WDR41: variants seen among roughly 807,000 people sequenced by gnomAD.
WDR41 encodes WD repeat-containing protein 41.
In WDR41, 63 loss-of-function variants were observed where a neutral mutation model predicts 69.3. The ratio of observed to expected loss-of-function variants is 0.91; its 90% CI spans 0.74 to 1.12. WDR41 has a LOEUF of 1.12. Ranked by LOEUF, WDR41 falls within the 50% of genes most tolerant of loss-of-function variation. The pLI is 0.00. For synonymous variants in WDR41, 185 were observed against 192.1 expected (o/e 0.96, Z 0.31); for missense variants, 543 against 534.5 (o/e 1.02, Z -0.16).
intron 2 of WDR41, among the ~76,000 whole-genome samples, chr5:77,488,027 T>G (rs1342190460): frequency 6.6e-6 from 1 of 152,160 alleles, no homozygotes; most frequent in African/African-American, 2.4e-5. Flanking sequence ...CGGTCCTAAT[T>G]TGTATCTTTT....
intron 1 of WDR41, among the ~76,000 whole-genome samples, chr5:77,607,867 T>C (rs3933483): frequency 0.14 from 21,728 of 152,268 alleles, 1,541 homozygotes; most frequent in East Asian, 0.2. Context: ...TTATATTCTC[T>C]AATTCTACTC....
At chr5:77,602,430 G>A (rs1415143073) in intron 1 of WDR41, among the ~76,000 whole-genome samples, 3 of 152,128 alleles carry the variant, frequency 2.0e-5, no homozygotes, top group Non-Finnish European at 2.9e-5. Flanking sequence ...ATGAGCCATC[G>A]TGCCCAGCCC....
intron 1 of WDR41, among the ~76,000 whole-genome samples, chr5:77,602,415 C>T (rs1397582103): frequency 6.6e-6 from 1 of 152,152 alleles, no homozygotes; most frequent in East Asian, 1.9e-4. Flanking sequence ...GCTCAGATTA[C>T]AGGCATGAGC....
chr5:77,466,018 A>G (rs1361380485), intron 2 of WDR41, among the ~76,000 whole-genome samples: 1 of 151,952 alleles, frequency 6.6e-6, no homozygotes. Context: ...GAGTACATCT[A>G]CTACTGGTAG....
chr5:77,474,819 T>C (rs1800821993), intron 2 of WDR41, among the ~76,000 whole-genome samples: 1 of 152,158 alleles, frequency 6.6e-6, no homozygotes, highest in Non-Finnish European at 1.5e-5. Context: ...GGAGCCAAGA[T>C]GGCCCAATAG....
chr5:77,582,502 C>T (rs906771514), intron 1 of WDR41: 31 of 1,599,698 alleles, frequency 1.9e-5, no homozygotes, highest in Admixed American at 3.3e-5. Flanking sequence ...AAAGATGCTT[C>T]GAAAGGCAAG....
intron 2 of WDR41, among the ~76,000 whole-genome samples, chr5:77,488,122 G>A (rs899172583): frequency 6.6e-6 from 1 of 152,180 alleles, no homozygotes; most frequent in South Asian, 2.1e-4. Flanking sequence ...GGGAACAGCA[G>A]GAACTTGTAG....
chr5:77,478,532 A>T (rs2112042872), intron 2 of WDR41, among the ~76,000 whole-genome samples: 1 of 152,332 alleles, frequency 6.6e-6, no homozygotes, highest in Middle Eastern at 3.4e-3. Flanking sequence ...TACGCAAATC[A>T]ATAAATGTAA....
chr5:77,476,741 G>A (rs970035349), intron 2 of WDR41, among the ~76,000 whole-genome samples: 19 of 150,626 alleles, frequency 1.3e-4, no homozygotes, highest in South Asian at 4.3e-4. Flanking sequence ...AAAGACCATC[G>A]AGACTAGGAA....
At chr5:77,459,647 G>A (rs1046467499) in intron 4 of WDR41, among the ~76,000 whole-genome samples, 1 of 152,104 alleles carries the variant, frequency 6.6e-6, no homozygotes, top group African/African-American at 2.4e-5. Flanking sequence ...TCCAAGTTCA[G>A]TTTGACTTAA....
intron 1 of WDR41, among the ~76,000 whole-genome samples, chr5:77,533,251 A>ATT (rs1742899369): frequency 1.3e-5 from 2 of 152,162 alleles, no homozygotes; most frequent in Admixed American, 1.3e-4. Flanking sequence ...ACATTTGTTT[A>ATT]TTTATTTACT....
chr5:77,520,011 C>G (rs1479769719), intron 1 of WDR41, among the ~76,000 whole-genome samples: 1 of 151,682 alleles, frequency 6.6e-6, no homozygotes, highest in Non-Finnish European at 1.5e-5. Context: ...CTAAGTTACT[C>G]TCCTCATATT....
At chr5:77,522,381 C>T (rs1465406580) in intron 1 of WDR41, among the ~76,000 whole-genome samples, 2 of 152,324 alleles carry the variant, frequency 1.3e-5, no homozygotes, top group East Asian at 3.9e-4. Context: ...GTGGCTTATA[C>T]CTGTAATCCC....
intron 1 of WDR41, among the ~76,000 whole-genome samples, chr5:77,616,308 A>T (rs1317388935): frequency 1.3e-5 from 2 of 152,186 alleles, no homozygotes; most frequent in Admixed American, 6.5e-5. Flanking sequence ...AATGTATTTA[A>T]GCCCTTTCAA....
chr5:77,474,569 T>C (rs1215688066), intron 2 of WDR41, among the ~76,000 whole-genome samples: 3 of 152,316 alleles, frequency 2.0e-5, no homozygotes, highest in Admixed American at 1.3e-4. Context: ...TCAGGAGCCA[T>C]AGATGCTGAC....
chr5:77,458,771 C>G, intron 5 of WDR41: 1 of 231,110 alleles, frequency 4.3e-6, no homozygotes. Flanking sequence ...TATGGTCATT[C>G]TACAAGTAAT....
At chr5:77,590,601 T>C (rs1168870888) in intron 1 of WDR41, among the ~76,000 whole-genome samples, 1 of 151,942 alleles carries the variant, frequency 6.6e-6, no homozygotes, top group Non-Finnish European at 1.5e-5. Context: ...GAACTGAGAG[T>C]GAGCTCTGTT....
In WDR41 at chr5:77,438,328, C is replaced by G; in HGVS notation, c.916G>C (p.Val306Leu). Residue 306 changes from valine to leucine, a missense_variant, in exon 10 of 13, where the codon GTG (valine) becomes CTG (leucine). Transcript: ENST00000296679. ...ACACGCTTCATTTGAAGGCTATACA[C>G]GTATAAACCCCTTCCAACTGCAGCA... is the stretch of plus-strand genomic sequence containing the variant. ...VFAAVGRGLY[V>L]YSLQMKRVIA... 1 of 1,614,002 alleles carries G rather than the reference C, an allele frequency of 6.2e-7. No individual in the cohort carries two copies. Among genetic ancestry groups the G allele is most frequent in the South Asian group, 1.1e-5 (1 of 91,074 alleles).
intron 1 of WDR41, among the ~76,000 whole-genome samples, chr5:77,502,334 A>G (rs1207023066): frequency 1.3e-5 from 2 of 152,212 alleles, no homozygotes; most frequent in Non-Finnish European, 2.9e-5. Context: ...AAAAGTAAAA[A>G]GAAATGACCA....
Sources: gnomAD v4.1 joint callset for allele counts (sites outside exome capture counted in the v4.1 genomes callset) on GRCh38, gnomAD v4.1.1 for gene constraint, MANE v1.5 for transcripts, NCBI Gene and HGNC (gene_info 2026-07-23, HGNC 2026-07-21) for gene names.